JCAD: variants seen among roughly 807,000 people sequenced by gnomAD.
JCAD encodes the protein junctional cadherin 5-associated protein.
Under a neutral mutation model 98.0 loss-of-function variants are expected in JCAD, and 40 were observed. The observed-to-expected ratio is 0.41, with a 90% CI of 0.32 to 0.53. The LOEUF is 0.53. JCAD is among the 20% of genes least tolerant of loss of function. JCAD has a pLI of 0.31. For synonymous variants in JCAD, 691 were observed against 682.3 expected (o/e 1.01, Z -0.20); for missense variants, 1,705 against 1,738.1 (o/e 0.98, Z 0.34).
chr10:30,084,781 G>GTATCTATCTATCTATCTATC (rs61201965), intron 1 of JCAD, among the ~76,000 whole-genome samples: 3 of 146,760 alleles, frequency 2.0e-5, no homozygotes, highest in Admixed American at 6.9e-5. Flanking sequence ...AATCAAATCT[G>GTATCTATCTATCTATCTATC]TATCTATCTA....
chr10:30,097,756 C>T (rs772712862), intron 1 of JCAD, among the ~76,000 whole-genome samples: 2 of 152,036 alleles, frequency 1.3e-5, no homozygotes, highest in Non-Finnish European at 2.9e-5. Flanking sequence ...GATGGAAACT[C>T]CGTCTCAAAA....
At chr10:30,103,620 ACAC>A (rs1838508084) in intron 1 of JCAD, among the ~76,000 whole-genome samples, 1 of 151,684 alleles carries the variant, frequency 6.6e-6, no homozygotes, top group Non-Finnish European at 1.5e-5. Flanking sequence ...AAATACACAC[ACAC>A]ACACACACCC....
upstream of JCAD, among the ~76,000 whole-genome samples, chr10:30,061,697 G>A (rs1024793297): frequency 2.0e-5 from 3 of 151,372 alleles, no homozygotes; most frequent in African/African-American, 4.9e-5. Context: ...AATAGGATTC[G>A]ACAAAATTTA....
chr10:30,091,021 GGTC>G (rs1307294603), intron 1 of JCAD, among the ~76,000 whole-genome samples: 1 of 152,156 alleles, frequency 6.6e-6, no homozygotes, highest in Non-Finnish European at 1.5e-5. Context: ...TGCACACGCT[GGTC>G]GTCATCTTCA....
intron 1 of JCAD, among the ~76,000 whole-genome samples, chr10:30,113,412 G>T (rs183201148): frequency 2.6e-5 from 4 of 151,982 alleles, no homozygotes; most frequent in Admixed American, 6.6e-5. Flanking sequence ...TCAACCGGGC[G>T]TGGTGGCAGG....
chr10:30,048,882 T>C (rs13377068), intron 1 of JCAD, among the ~76,000 whole-genome samples: 1 of 152,158 alleles, frequency 6.6e-6, no homozygotes, highest in African/African-American at 2.4e-5. Context: ...TATGAAACTT[T>C]TATGAATCAA....
exon 2 of JCAD, chr10:30,069,767 G>A (rs989397389): frequency 1.3e-5 from 2 of 152,168 alleles, no homozygotes; most frequent in African/African-American, 4.8e-5. Context: ...CAAGGTTGCA[G>A]TGAACTGTGA....
rs1564444502 is a variant in JCAD, at chr10:30,028,689, C to G, written c.1459G>C (p.Glu487Gln). The G allele has an allele frequency of 6.2e-7, 1 of 1,608,482 alleles. No individual in the cohort carries two copies. The highest frequency in any genetic ancestry group is 8.5e-7 in the Non-Finnish European group (1 of 1,177,034). The change falls in exon 3 of 4, where the codon GAG becomes CAG. Residue 487 changes from glutamate (E) to glutamine (Q), a missense_variant. Coordinates refer to ENST00000375377, the MANE Select transcript of JCAD (RefSeq NM_020848.4). ...PQSLIPPSGDERGLVLADSSP... is the reference protein window; with the variant it reads ...PQSLIPPSGDQRGLVLADSSP... The stretch of plus-strand genomic sequence containing the variant: ...GAATCGGCCAAGACCAGGCCTCTCT[C>G]ATCCCCCGACGGGGGTATTAAGCTC...
chr10:30,112,526 T>C (rs1838721738), intron 1 of JCAD, among the ~76,000 whole-genome samples: 1 of 152,078 alleles, frequency 6.6e-6, no homozygotes, highest in South Asian at 2.1e-4. Context: ...ATTACAATGC[T>C]AAGTGAAATA....
upstream of JCAD, among the ~76,000 whole-genome samples, chr10:30,064,488 G>A (rs768694386): frequency 6.6e-5 from 10 of 152,048 alleles, no homozygotes; most frequent in African/African-American, 2.2e-4. Flanking sequence ...GGACTAATAC[G>A]CCATCACCTT....
At chr10:30,048,522 A>T (rs1370420719) in intron 1 of JCAD, among the ~76,000 whole-genome samples, 5 of 152,136 alleles carry the variant, frequency 3.3e-5, no homozygotes, top group African/African-American at 1.2e-4. Flanking sequence ...TCAATCATAC[A>T]CACCCAATTC....
intron 1 of JCAD, among the ~76,000 whole-genome samples, chr10:30,086,895 T>G (rs1838175769): frequency 6.6e-6 from 1 of 152,228 alleles, no homozygotes; most frequent in Non-Finnish European, 1.5e-5. Context: ...TTTCTTAGTG[T>G]TGGTAGATTT....
At chr10:30,109,563 C>G (rs540764855) in intron 1 of JCAD, among the ~76,000 whole-genome samples, 1 of 152,254 alleles carries the variant, frequency 6.6e-6, no homozygotes, top group African/African-American at 2.4e-5. Context: ...TCACTCTGCT[C>G]TCCTTGTGGC....
rs1300917484 is a variant in JCAD, at chr10:30,026,600, G to A, written c.3548C>T (p.Thr1183Ile). The change falls in exon 3 of 4, where the codon ACC (threonine) becomes ATC (isoleucine). Residue 1183 changes from threonine to isoleucine, a missense_variant. This residue lies in a region of JCAD where 1,278 missense variants were observed against 1,243.1 expected (regional missense o/e 1.03). Coordinates refer to ENST00000375377, the MANE Select transcript of JCAD (RefSeq NM_020848.4). ...FEHSDVDGVV[T>I]STDPVPEPEP... Reference sequence around the variant, plus strand: ...AGGCTCAGGGACAGGGTCTGTGCTGGTGACAACCCCGTCCACATCTGAGTG... The same window carrying A: ...AGGCTCAGGGACAGGGTCTGTGCTGATGACAACCCCGTCCACATCTGAGTG... 1.2e-6 allele frequency: 2 copies of A among 1,613,900 alleles called. No homozygotes were observed. Among genetic ancestry groups the A allele is most frequent in the Non-Finnish European group, 1.7e-6 (2 of 1,180,020 alleles).
intron 1 of JCAD, among the ~76,000 whole-genome samples, chr10:30,086,924 C>T (rs939636601): frequency 6.6e-6 from 1 of 152,188 alleles, no homozygotes; most frequent in Admixed American, 6.5e-5. Context: ...TGCTAAAGAG[C>T]TCCTGCTGTC....
At chr10:30,090,225 G>C (rs535919835) in intron 1 of JCAD, among the ~76,000 whole-genome samples, 1 of 152,214 alleles carries the variant, frequency 6.6e-6, no homozygotes, top group East Asian at 1.9e-4. Context: ...CTTGCAGATT[G>C]CTTCCAGAAT....
intron 1 of JCAD, among the ~76,000 whole-genome samples, chr10:30,115,004 C>G (rs910324620): frequency 6.6e-6 from 1 of 152,106 alleles, no homozygotes; most frequent in Non-Finnish European, 1.5e-5. Flanking sequence ...TGCTGGGAAC[C>G]GCTTCTGTAT....
chr10:30,077,761 C>T (rs1040667312), intron 1 of JCAD, among the ~76,000 whole-genome samples: 5 of 152,174 alleles, frequency 3.3e-5, no homozygotes, highest in Non-Finnish European at 4.4e-5. Flanking sequence ...TTCACTCCTT[C>T]GTAAGGCTGA....
In JCAD at chr10:30,028,545, C is replaced by T. The variant is rs750276577; in HGVS notation, c.1603G>A (p.Gly535Arg). ...QWPDVRGSQH[G>R]HTGRQVSSPY... The stretch of plus-strand genomic sequence containing the variant: ...GAGGAAACTTGTCTTCCAGTGTGCC[C>T]GTGCTGGCTGCCTCTCACATCAGGC... The change falls in exon 3 of 4, where the codon GGG becomes AGG. Residue 535 changes from glycine (G) to arginine (R), a missense_variant. By Grantham distance (125) the Gly-to-Arg change is moderately radical. Transcript: ENST00000375377. The T allele has an allele frequency of 1.4e-5, 22 of 1,614,092 alleles. No individual in the cohort carries two copies. Among genetic ancestry groups the T allele is most frequent in the South Asian group, 5.5e-5 (5 of 91,086 alleles).
Sources: gnomAD v4.1 joint callset for allele counts (sites outside exome capture counted in the v4.1 genomes callset) on GRCh38, gnomAD v4.1.1 for gene constraint, gnomAD v4.1.1 regional missense constraint, MANE v1.5 for transcripts, NCBI Gene and HGNC (gene_info 2026-07-23, HGNC 2026-07-21) for gene names.